DOC2B: variants seen among roughly 807,000 people sequenced by gnomAD.
DOC2B encodes the protein double C2 domain beta.
DOC2B carries 21 observed loss-of-function variants against 28.9 expected under a neutral mutation model. The ratio of observed to expected loss-of-function variants is 0.73; its 90% confidence interval spans 0.52 to 1.05. DOC2B has a LOEUF of 1.05. DOC2B is among the 50% of genes least tolerant of loss of function. The pLI is 0.00. For missense variants in DOC2B, 384 were observed against 421.1 expected (o/e 0.91, Z 0.77); for synonymous variants, 194 against 178.1 (o/e 1.09, Z -0.71).
chr17:147,456 A>T lies in DOC2B; in HGVS notation c.1224T>A (p.Ala408=). 1 of 398,690 alleles carries T rather than the reference A, an allele frequency of 2.5e-6. No homozygotes were observed. Among genetic ancestry groups the T allele is most frequent in the Non-Finnish European group, 4.4e-6 (1 of 226,102 alleles). The allele number at this position is 398,690 out of a possible 1,614,324, so 24.7% of individuals were successfully genotyped here. The stretch of plus-strand genomic sequence containing the variant: ...CGGGTGGGCGTCAGTCGCTGAGCAC[A>T]GCCCCTGGGAGCTCGCTGGTGAGCG... ...WHTLTSELPG[A]VLSD The change falls in exon 9 of 9, where the codon GCT becomes GCA. Residue 408 remains alanine (A), a synonymous_variant. Coordinates refer to ENST00000613549, the MANE Select transcript of DOC2B (RefSeq NM_003585.5).
chr17:165,374 A>G (rs1015393164), intron 2 of DOC2B, among the ~76,000 whole-genome samples: 1 of 151,768 alleles, frequency 6.6e-6, no homozygotes, highest in African/African-American at 2.4e-5. Flanking sequence ...TCCAGCAACT[A>G]GAGAAGCTGA....
chr17:164,111 C>A lies in DOC2B; in HGVS notation c.528+19G>T, dbSNP rs1555523610. 5.2e-6 allele frequency: 8 copies of A among 1,541,930 alleles called. No homozygotes were observed. Among genetic ancestry groups the A allele is most frequent in the Non-Finnish European group, 7.0e-6 (8 of 1,138,212 alleles). ...TGGGCGGGTGCAGCTGGTGGGCAGG[C>A]CTGGGTGGAACCCCTCACCTTACTG... On this transcript the variant is annotated intron_variant, in intron 3 of 8. Coordinates refer to ENST00000613549, the MANE Select transcript of DOC2B (RefSeq NM_003585.5).
intron 2 of DOC2B, 29 bp downstream of exon 2, chr17:172,508 G>A (rs1429471806): frequency 3.9e-6 from 6 of 1,546,330 alleles, no homozygotes; most frequent in South Asian, 1.2e-5. Context: ...CCGGGGCAGG[G>A]AATTTGGGGG....
chr17:156,099 A>G (rs2151462179), intron 6 of DOC2B, 121 bp downstream of exon 6: 2 of 1,143,740 alleles, frequency 1.7e-6, no homozygotes, highest in Admixed American at 3.0e-5. Flanking sequence ...CAGGGAACAC[A>G]GCGCCCCTGT....
chr17:176,564 C>T (rs1304198936), intron 1 of DOC2B, among the ~76,000 whole-genome samples: 1 of 152,114 alleles, frequency 6.6e-6, no homozygotes. Context: ...TAGCTGAAAT[C>T]TTAGGAGGAT....
chr17:143,333 C>T lies in DOC2B; in HGVS notation c.*4108G>A, dbSNP rs879171471. The T allele has an allele frequency of 0.4, 53,572 of 133,556 alleles. 10,725 individuals are homozygous for T. The highest frequency in any genetic ancestry group is 0.42 in the Non-Finnish European group (27,534 of 65,178). The allele number at this position is 133,556 out of a possible 1,614,324, so 8.3% of individuals were successfully genotyped here. ...ACCCTCCCCTCCTACCCTTCCAAAT[C>T]TTTTTTTTTTTTTTTTGACAAGGTC... On this transcript the variant is annotated 3_prime_UTR_variant, in exon 9 of 9. Coordinates refer to ENST00000613549, the MANE Select transcript of DOC2B (RefSeq NM_003585.5).
chr17:163,619 A>G (rs1555523543), intron 3 of DOC2B: 3 of 153,968 alleles, frequency 1.9e-5, no homozygotes, highest in Admixed American at 1.9e-4. Context: ...CCCTGAGCAC[A>G]TGTGTGGTCG....
chr17:154,038 C>A (rs1388172064), intron 6 of DOC2B, among the ~76,000 whole-genome samples: 4 of 152,214 alleles, frequency 2.6e-5, no homozygotes, highest in Non-Finnish European at 4.4e-5. Context: ...AGTCCTGCAA[C>A]ACGTGGCCGT....
intron 4 of DOC2B, 67 bp from the exon 5 acceptor site, chr17:161,608 G>A (rs186130544): frequency 8.4e-6 from 13 of 1,542,068 alleles, no homozygotes; most frequent in African/African-American, 8.2e-5. Flanking sequence ...GGAGGTGTGC[G>A]CAGGTAGGGC....
intron 6 of DOC2B, among the ~76,000 whole-genome samples, chr17:155,423 G>A (rs2040123628): frequency 6.6e-6 from 1 of 152,030 alleles, no homozygotes; most frequent in Non-Finnish European, 1.5e-5. Context: ...CTGGGTCCTT[G>A]GTGTCCCCTA....
chr17:155,803 T>C (rs1020908464), intron 6 of DOC2B, among the ~76,000 whole-genome samples: 5 of 152,186 alleles, frequency 3.3e-5, no homozygotes, highest in East Asian at 1.9e-4. Context: ...TGTAGCACCA[T>C]TATAGGGCTG....
chr17:161,343 G>T, intron 5 of DOC2B, 72 bp downstream of exon 5: 1 of 1,466,762 alleles, frequency 6.8e-7, no homozygotes, highest in Non-Finnish European at 9.3e-7. Context: ...CCCATCACAG[G>T]CAGGAAGTTC....
chr17:143,079 T>C lies in DOC2B; in HGVS notation c.*4362A>G, dbSNP rs939330806. 6.6e-6 allele frequency: 1 copy of C among 152,178 alleles called. No individual in the cohort carries two copies. The highest frequency in any genetic ancestry group is 1.5e-5 in the Non-Finnish European group (1 of 68,002). The allele number at this position is 152,178 out of a possible 1,614,324, so 9.4% of individuals were successfully genotyped here. On this transcript the variant is annotated 3_prime_UTR_variant, in exon 9 of 9. Transcript: ENST00000613549. ...ACTCCACGGCTGTTTGTTGGATGAG[T>C]GGACAACAGCATGGTCGACAGGTCC...
intron 5 of DOC2B, among the ~76,000 whole-genome samples, chr17:159,658 T>C (rs977668402): frequency 2.6e-5 from 4 of 152,080 alleles, no homozygotes; most frequent in African/African-American, 9.7e-5. Context: ...CACCAGAATG[T>C]GGCTGTACTG....
intron 2 of DOC2B, among the ~76,000 whole-genome samples, chr17:164,538 A>C (rs1597827602): frequency 6.6e-6 from 1 of 151,548 alleles, no homozygotes; most frequent in South Asian, 2.1e-4. Flanking sequence ...CATCATCCTG[A>C]CTCCCGTCTC....
chr17:149,555 CTTCTTTTTTTTT>C (rs2040050888), intron 6 of DOC2B, among the ~76,000 whole-genome samples: 1 of 151,964 alleles, frequency 6.6e-6, no homozygotes, highest in African/African-American at 2.4e-5. Context: ...CTTGTTCAAA[CTTCTTTTTTTTT>C]TTCAGATGGC....
rs908490980 is a variant in DOC2B at position 164,722 on chromosome 17, A to T, written c.454-518T>A. On this transcript the variant is annotated intron_variant, in intron 2 of 8. Coordinates refer to ENST00000613549, the MANE Select transcript of DOC2B (RefSeq NM_003585.5). The stretch of plus-strand genomic sequence containing the variant: ...TGGCCACAGAGGGTCCCTCCACAAG[A>T]TGGCACCCCTCTCTCACTCTGGTTC... 6.6e-5 allele frequency among the ~76,000 whole-genome samples: 10 copies of T among 152,054 alleles called. No homozygotes were observed. In the East Asian group the frequency reaches 1.9e-3, roughly 29 times the overall value.
At chr17:154,143 A>T (rs7213004) in intron 6 of DOC2B, among the ~76,000 whole-genome samples, 1 of 133,758 alleles carries the variant, frequency 7.5e-6, no homozygotes, top group Admixed American at 7.5e-5. Context: ...CTGATATTCC[A>T]CGCACCTGCT....
Position 181,544 on chromosome 17 carries a change from C to T in DOC2B, c.-65G>A. The T allele has an allele frequency of 2.2e-6, 2 of 908,334 alleles. No homozygotes were observed. Among genetic ancestry groups the T allele is most frequent in the African/African-American group, 1.8e-5 (1 of 54,992 alleles). The allele number at this position is 908,334 out of a possible 1,614,324, so 56.3% of individuals were successfully genotyped here. ...GCGCGACCCCGGCCCGGGGGCGGCTCAGCAGGCCCGGCGGGGCGCGGCGGG... is the reference window on the plus strand; with the variant it reads ...GCGCGACCCCGGCCCGGGGGCGGCTTAGCAGGCCCGGCGGGGCGCGGCGGG... On this transcript the variant is annotated 5_prime_UTR_variant, in exon 1 of 9. An upstream open reading frame in the 5' UTR loses its in-frame stop. Coordinates refer to ENST00000613549, the MANE Select transcript of DOC2B (RefSeq NM_003585.5). The surrounding 1 kb of genome is among the most constrained non-coding windows in gnomAD (Gnocchi z 7.0).
Sources: gnomAD v4.1 joint callset for allele counts (sites outside exome capture counted in the v4.1 genomes callset) on GRCh38, gnomAD v4.1.1 for gene constraint, Gnocchi (gnomAD v3.1) non-coding constraint, MANE v1.5 for transcripts, NCBI Gene and HGNC (gene_info 2026-07-23, HGNC 2026-07-21) for gene names.